Variants in CADM2 observed in about 807,000 individuals in gnomAD.
CADM2 encodes cell adhesion molecule 2, also known as immunoglobulin superfamily member 4D.
In CADM2, 12 loss-of-function variants were observed where a neutral mutation model predicts 49.8. The ratio of observed to expected loss-of-function variants is 0.24; its 90% CI spans 0.15 to 0.39. The LOEUF is 0.39. Ranked by LOEUF, CADM2 falls within the 10% of genes least tolerant of loss-of-function variation. The pLI is 1.00. For missense variants in CADM2, 378 were observed against 492.3 expected, an observed-to-expected ratio of 0.77 and a Z score of 2.20; for synonymous variants, 214 against 175.4, an observed-to-expected ratio of 1.22 and a Z score of -1.74.
At chr3:85,368,082 C>A (rs2032930084) in intron 1 of CADM2, among the ~76,000 whole-genome samples, 1 of 152,006 alleles carries the variant, frequency 6.6e-6, no homozygotes, top group Non-Finnish European at 1.5e-5. Flanking sequence ...TTTATGGCCC[C>A]TTAGCAAAGA....
At chr3:85,846,158 C>T (rs2074869844) in intron 3 of CADM2, among the ~76,000 whole-genome samples, 1 of 152,122 alleles carries the variant, frequency 6.6e-6, no homozygotes, top group Non-Finnish European at 1.5e-5. Flanking sequence ...TCAGAACACA[C>T]AGGGTCATAA....
intron 1 of CADM2, among the ~76,000 whole-genome samples, chr3:85,120,883 A>G (rs1004081908): frequency 6.6e-6 from 1 of 152,198 alleles, no homozygotes; most frequent in Non-Finnish European, 1.5e-5. Context: ...TCAGCTGGTA[A>G]GATTCACTCG....
intron 1 of CADM2, among the ~76,000 whole-genome samples, chr3:85,531,957 C>G (rs1425257404): frequency 1.3e-5 from 2 of 152,118 alleles, no homozygotes; most frequent in African/African-American, 4.8e-5. Flanking sequence ...GCGGGCAGTT[C>G]ACGAGGTCAG....
chr3:85,638,813 C>T (rs1289338844), intron 1 of CADM2, among the ~76,000 whole-genome samples: 1 of 151,908 alleles, frequency 6.6e-6, no homozygotes, highest in Non-Finnish European at 1.5e-5. Context: ...CAGCAAATCA[C>T]AGGCATGCAT....
intron 6 of CADM2, among the ~76,000 whole-genome samples, chr3:85,913,575 T>C (rs780675996): frequency 6.6e-6 from 1 of 152,204 alleles, no homozygotes; most frequent in Non-Finnish European, 1.5e-5. Context: ...TAATAGGCAT[T>C]GTTTTGGGCA....
chr3:86,008,020 A>G (rs1416722957), intron 8 of CADM2, among the ~76,000 whole-genome samples: 6 of 152,226 alleles, frequency 3.9e-5, no homozygotes, highest in Non-Finnish European at 8.8e-5. Context: ...AACATGGCTA[A>G]CCAGTTCATA....
chr3:85,813,902 C>CTG (rs1027062727), intron 3 of CADM2, among the ~76,000 whole-genome samples: 19 of 152,174 alleles, frequency 1.2e-4, no homozygotes, highest in Admixed American at 4.6e-4. Context: ...GTCTGTATAT[C>CTG]TGTTTTGGTA....
At chr3:85,887,687 TTATGC>T (rs1713857167) in intron 5 of CADM2, among the ~76,000 whole-genome samples, 1 of 152,198 alleles carries the variant, frequency 6.6e-6, no homozygotes, top group Non-Finnish European at 1.5e-5. Flanking sequence ...AGACATCTTA[TTATGC>T]TAAATTAAAT....
intron 1 of CADM2, among the ~76,000 whole-genome samples, chr3:85,390,470 C>T (rs914174432): frequency 6.6e-5 from 10 of 152,056 alleles, no homozygotes; most frequent in African/African-American, 1.7e-4. Flanking sequence ...TTTCTCTGAA[C>T]TCTGCTACAG....
intron 1 of CADM2, among the ~76,000 whole-genome samples, chr3:85,026,037 C>CAG (rs1199243244): frequency 6.6e-6 from 1 of 152,100 alleles, no homozygotes; most frequent in African/African-American, 2.4e-5. Flanking sequence ...ATGGTTAAGC[C>CAG]AGTGAGTGAC....
At chr3:85,804,597 T>C (rs559427152) in intron 3 of CADM2, among the ~76,000 whole-genome samples, 6 of 152,202 alleles carry the variant, frequency 3.9e-5, no homozygotes, top group Non-Finnish European at 7.3e-5. Context: ...TCTCCAATCG[T>C]GAGGTCAAAT....
chr3:86,028,768 C>T (rs571360043), intron 8 of CADM2, among the ~76,000 whole-genome samples: 30 of 152,172 alleles, frequency 2.0e-4, no homozygotes, highest in Middle Eastern at 6.8e-3. Flanking sequence ...GATGAGTGAG[C>T]CAATTACATA....
intron 1 of CADM2, 89 bp from the exon 2 acceptor site, chr3:85,726,433 A>G (rs1223136150): frequency 7.3e-7 from 1 of 1,366,162 alleles, no homozygotes; most frequent in South Asian, 1.2e-5. Flanking sequence ...AGACTTTAAT[A>G]GCAATAACAT....
intron 1 of CADM2, among the ~76,000 whole-genome samples, chr3:85,647,279 A>G (rs2064916320): frequency 6.6e-6 from 1 of 151,828 alleles, no homozygotes; most frequent in Non-Finnish European, 1.5e-5. Context: ...AGCATGGGAA[A>G]TGAAACCATT....
At chr3:85,981,830 T>A (rs1242191117) in intron 8 of CADM2, among the ~76,000 whole-genome samples, 1 of 151,760 alleles carries the variant, frequency 6.6e-6, no homozygotes, top group Non-Finnish European at 1.5e-5. Flanking sequence ...TGTGCGTGTG[T>A]CTTTATGGTA....
At chr3:85,562,530 C>T (rs550164029) in intron 1 of CADM2, among the ~76,000 whole-genome samples, 3 of 138,760 alleles carry the variant, frequency 2.2e-5, no homozygotes, top group African/African-American at 8.2e-5. Flanking sequence ...AGAAGACATA[C>T]ATGAAGTATT....
At chr3:85,448,291 C>T (rs2037568013) in intron 1 of CADM2, among the ~76,000 whole-genome samples, 1 of 147,198 alleles carries the variant, frequency 6.8e-6, no homozygotes, top group Non-Finnish European at 1.5e-5. Context: ...CGAGATCGCG[C>T]CACTGCACTC....
At chr3:85,023,410 T>C (rs1299180978) in intron 1 of CADM2, among the ~76,000 whole-genome samples, 1 of 152,090 alleles carries the variant, frequency 6.6e-6, no homozygotes, top group Non-Finnish European at 1.5e-5. Flanking sequence ...CTTTTCCTTC[T>C]TCCTGAAACA....
chr3:85,074,567 T>A (rs1230350614), intron 1 of CADM2, among the ~76,000 whole-genome samples: 2 of 152,178 alleles, frequency 1.3e-5, no homozygotes, highest in East Asian at 3.9e-4. Flanking sequence ...TCCTGGCACA[T>A]AATTTGTGTT....
Sources: allele counts gnomAD v4.1 joint callset (sites outside exome capture counted in the v4.1 genomes callset), GRCh38; gene constraint gnomAD v4.1.1; transcripts MANE v1.5; gene names NCBI Gene and HGNC (gene_info 2026-07-23, HGNC 2026-07-21).